The following TTC27 variants were observed in gnomAD, a reference collection of about 807,000 sequenced individuals.
TTC27 encodes tetratricopeptide repeat domain 27.
A neutral mutation model predicts 115.9 loss-of-function variants in TTC27; 79 were observed. The observed-to-expected ratio is 0.68, with a 90% CI of 0.57 to 0.82. The LOEUF (loss-of-function observed/expected upper bound fraction) is 0.82. Among genes scored for constraint, TTC27 ranks in the 40% least tolerant of loss-of-function variants. The probability of loss-of-function intolerance (pLI) is 0.00; values close to 1 mark genes in which losing one functional copy is unlikely to be tolerated. For synonymous variants in TTC27, 401 were observed against 356.0 expected, an observed-to-expected ratio of 1.13 and a Z score of -1.42; for missense variants, 1,054 against 993.1, an observed-to-expected ratio of 1.06 and a Z score of -0.82.
At chr2:32,815,645 TG>T (rs1237819243) in intron 18 of TTC27, among the ~76,000 whole-genome samples, 2 of 152,192 alleles carry the variant, frequency 1.3e-5, no homozygotes, top group Non-Finnish European at 2.9e-5. Context: ...GCTTTACTTT[TG>T]TTTTTGTCAG....
chr2:32,688,739 A>C (rs1407158320), intron 9 of TTC27, among the ~76,000 whole-genome samples: 1 of 152,148 alleles, frequency 6.6e-6, no homozygotes, highest in Non-Finnish European at 1.5e-5. Flanking sequence ...AAAGACTTAC[A>C]TAACACTTTG....
Position 32,628,205 on chromosome 2 carries a change from C to T in TTC27, c.-88C>T, listed in dbSNP as rs1572451681. 2 of 1,296,748 alleles carry T rather than the reference C, an allele frequency of 1.5e-6. No individual in the cohort carries two copies. The highest frequency in any genetic ancestry group is 2.2e-6 in the Non-Finnish European group (2 of 917,004). The allele number at this position is 1,296,748 out of a possible 1,614,324, so 80.3% of individuals were successfully genotyped here. ...AACTGTCGCCACTAGATTTCAGCGC[C>T]TTTGGACTCTCCTGTTTTCACTTTC... is the stretch of plus-strand genomic sequence containing the variant. On this transcript the variant is annotated 5_prime_UTR_variant, in exon 1 of 20. Coordinates refer to ENST00000317907, the MANE Select transcript of TTC27 (RefSeq NM_017735.5).
chr2:32,791,748 G>C (rs1310826105), intron 16 of TTC27, among the ~76,000 whole-genome samples: 3 of 152,054 alleles, frequency 2.0e-5, no homozygotes, highest in African/African-American at 7.2e-5. Flanking sequence ...GGTGGGATGT[G>C]CCTACAGCCC....
chr2:32,723,367 C>T (rs1450255555), intron 10 of TTC27, among the ~76,000 whole-genome samples: 2 of 151,970 alleles, frequency 1.3e-5, no homozygotes, highest in African/African-American at 2.4e-5. Flanking sequence ...CAGCCTAGCC[C>T]GCAGAGATTC....
At chr2:32,817,679 T>C in intron 19 of TTC27, 122 bp downstream of exon 19, 2 of 846,058 alleles carry the variant, frequency 2.4e-6, no homozygotes, top group Non-Finnish European at 3.8e-6. Context: ...TTATTTAATA[T>C]AGCAGCCCCC....
intron 10 of TTC27, among the ~76,000 whole-genome samples, chr2:32,718,503 T>A (rs1667822151): frequency 6.6e-6 from 1 of 152,246 alleles, no homozygotes; most frequent in Admixed American, 6.5e-5. Flanking sequence ...TAAATTTATT[T>A]GTGCATTATT....
intron 10 of TTC27, among the ~76,000 whole-genome samples, chr2:32,727,484 C>T (rs950702953): frequency 6.6e-6 from 1 of 152,142 alleles, no homozygotes. Flanking sequence ...TTTAAGAAAC[C>T]AGCATCTGTT....
chr2:32,678,616 A>C (rs1339678956), intron 8 of TTC27, among the ~76,000 whole-genome samples: 1 of 151,916 alleles, frequency 6.6e-6, no homozygotes, highest in Non-Finnish European at 1.5e-5. Flanking sequence ...TTTAGTAGAG[A>C]CAGGGTTTCA....
intron 8 of TTC27, among the ~76,000 whole-genome samples, chr2:32,677,511 G>A (rs777358198): frequency 9.9e-5 from 15 of 151,990 alleles, no homozygotes; most frequent in East Asian, 9.7e-4. Flanking sequence ...GTGCAATGGC[G>A]CAATCTTGGC....
chr2:32,764,496 T>A (rs1669557432), intron 13 of TTC27, among the ~76,000 whole-genome samples: 2 of 152,238 alleles, frequency 1.3e-5, no homozygotes, highest in South Asian at 4.1e-4. Flanking sequence ...TTATCATCTT[T>A]TTGCTGGTGG....
intron 5 of TTC27, among the ~76,000 whole-genome samples, chr2:32,652,431 T>C (rs1193452858): frequency 6.6e-6 from 1 of 151,922 alleles, no homozygotes; most frequent in African/African-American, 2.4e-5. Flanking sequence ...AACCATATGG[T>C]ATATTTTGGA....
rs752537797 is a variant in TTC27, at chr2:32,787,041, G to A, written c.1890G>A (p.Gln630=). 1 of 1,614,098 alleles carries A rather than the reference G, an allele frequency of 6.2e-7. No homozygotes were observed. Among genetic ancestry groups the A allele is most frequent in the Non-Finnish European group, 8.5e-7 (1 of 1,179,998 alleles). ...EALKCNYEHW[Q]IWENYILTST... ...TCAAGTGTAACTATGAACACTGGCA[G>A]ATTTGGGAAAACTACATCCTCACCA... Residue 630 remains glutamine (Q), a synonymous_variant, in exon 16 of 20, where the codon CAG becomes CAA. Transcript: ENST00000317907.
At chr2:32,655,926 G>C (rs1360479257) in intron 5 of TTC27, among the ~76,000 whole-genome samples, 1 of 152,124 alleles carries the variant, frequency 6.6e-6, no homozygotes, top group African/African-American at 2.4e-5. Flanking sequence ...TGCAAATTCA[G>C]TTCCTCAGTT....
chr2:32,698,391 C>G (rs1305023761), intron 9 of TTC27, among the ~76,000 whole-genome samples: 1 of 151,448 alleles, frequency 6.6e-6, no homozygotes, highest in Non-Finnish European at 1.5e-5. Context: ...TTCAGCCTCC[C>G]GAAGTGCTGG....
chr2:32,699,064 C>A (rs370953254), intron 9 of TTC27, among the ~76,000 whole-genome samples: 1 of 152,014 alleles, frequency 6.6e-6, no homozygotes, highest in Non-Finnish European at 1.5e-5. Context: ...ATGCCCTTGT[C>A]CCTTTGTAAA....
intron 9 of TTC27, among the ~76,000 whole-genome samples, chr2:32,699,290 A>T (rs1342153553): frequency 6.6e-6 from 1 of 152,198 alleles, no homozygotes; most frequent in African/African-American, 2.4e-5. Flanking sequence ...TAAGGCCAAG[A>T]CCTAAATGAG....
At chr2:32,807,434 T>C (rs1189182447) in intron 16 of TTC27, among the ~76,000 whole-genome samples, 1 of 152,198 alleles carries the variant, frequency 6.6e-6, no homozygotes, top group Non-Finnish European at 1.5e-5. Context: ...TATTTTTTAA[T>C]TAAACAAAAT....
intron 16 of TTC27, among the ~76,000 whole-genome samples, chr2:32,805,889 C>A (rs1671114596): frequency 6.6e-6 from 1 of 152,212 alleles, no homozygotes; most frequent in South Asian, 2.1e-4. Context: ...GGCTCCTAGT[C>A]CCTTCCCCAT....
At chr2:32,729,797 G>C (rs1451185121) in intron 10 of TTC27, among the ~76,000 whole-genome samples, 1 of 151,894 alleles carries the variant, frequency 6.6e-6, no homozygotes, top group East Asian at 1.9e-4. Context: ...GATTGGTTTA[G>C]GGTATATTTG....
Sources: gnomAD v4.1 joint callset for allele counts (sites outside exome capture counted in the v4.1 genomes callset) on GRCh38, gnomAD v4.1.1 for gene constraint, MANE v1.5 for transcripts, NCBI Gene and HGNC (gene_info 2026-07-23, HGNC 2026-07-21) for gene names.